SHISA9: variants seen among roughly 807,000 people sequenced by gnomAD.
The protein encoded by SHISA9 is shisa family member 9.
SHISA9 carries 13 observed loss-of-function variants against 38.0 expected under a neutral mutation model. The ratio of observed to expected loss-of-function variants is 0.34; its 90% CI spans 0.22 to 0.54. The LOEUF is 0.54. Ranked by LOEUF, SHISA9 falls within the 20% of genes least tolerant of loss-of-function variation. The pLI is 0.91. For synonymous variants in SHISA9, 275 were observed against 242.0 expected, an observed-to-expected ratio of 1.14 and a Z score of -1.27; for missense variants, 538 against 575.8, an observed-to-expected ratio of 0.93 and a Z score of 0.67.
At chr16:13,531,732 C>T in the SHISA9 span, among the ~76,000 whole-genome samples, 1 of 152,122 alleles carries the variant, frequency 6.6e-6, no homozygotes, top group Non-Finnish European at 1.5e-5. Context: ...GATGCGTAAT[C>T]CCACCGGGAC....
chr16:12,933,402 C>G (rs944266228), intron 2 of SHISA9, among the ~76,000 whole-genome samples: 29 of 152,032 alleles, frequency 1.9e-4, no homozygotes, highest in African/African-American at 5.5e-4. Flanking sequence ...TCAAGCAATT[C>G]TGCTTCAGCC....
At chr16:13,011,097 C>A (rs1290115134) in intron 2 of SHISA9, among the ~76,000 whole-genome samples, 2 of 152,146 alleles carry the variant, frequency 1.3e-5, no homozygotes, top group African/African-American at 4.8e-5. Flanking sequence ...AGACTAAGAG[C>A]CTGTTGTAAT....
the SHISA9 span, among the ~76,000 whole-genome samples, chr16:13,491,398 T>A: frequency 1.4e-5 from 2 of 143,870 alleles, no homozygotes; most frequent in Admixed American, 6.9e-5. Flanking sequence ...TTTTTTTTTT[T>A]AACCTTTTGG....
chr16:13,189,785 C>G (rs543717529), intron 2 of SHISA9, among the ~76,000 whole-genome samples: 4 of 152,168 alleles, frequency 2.6e-5, no homozygotes, highest in African/African-American at 9.7e-5. Flanking sequence ...ACAATTTATC[C>G]TAACGAGCTT....
intron 2 of SHISA9, among the ~76,000 whole-genome samples, chr16:13,101,192 G>C (rs75659090): frequency 6.6e-6 from 1 of 152,138 alleles, no homozygotes; most frequent in Non-Finnish European, 1.5e-5. Context: ...CTAATGTACA[G>C]CCATGTGACC....
At chr16:13,324,841 C>G in the SHISA9 span, among the ~76,000 whole-genome samples, 8 of 152,162 alleles carry the variant, frequency 5.3e-5, no homozygotes, top group African/African-American at 1.9e-4. Flanking sequence ...AGACATAAAT[C>G]AATATGTGGA....
At chr16:12,905,455 C>G (rs756332461) in intron 1 of SHISA9, among the ~76,000 whole-genome samples, 1 of 152,012 alleles carries the variant, frequency 6.6e-6, no homozygotes, top group Non-Finnish European at 1.5e-5. Context: ...CCCCCACTCC[C>G]CTAATGGCTT....
the SHISA9 span, among the ~76,000 whole-genome samples, chr16:13,471,943 C>A: frequency 6.6e-6 from 1 of 152,130 alleles, no homozygotes; most frequent in Admixed American, 6.5e-5. Context: ...CAGAGAATCA[C>A]AAAGACAAGG....
intron 2 of SHISA9, among the ~76,000 whole-genome samples, chr16:12,936,855 TAC>T (rs915169434): frequency 3.9e-5 from 6 of 152,170 alleles, no homozygotes; most frequent in Non-Finnish European, 7.3e-5. Flanking sequence ...CCTGCTTGTT[TAC>T]AGATTTGTCT....
At chr16:13,333,048 C>A in the SHISA9 span, among the ~76,000 whole-genome samples, 1 of 152,200 alleles carries the variant, frequency 6.6e-6, no homozygotes, top group Non-Finnish European at 1.5e-5. Flanking sequence ...CTGCCGTGCC[C>A]GTCGAAGTCA....
intron 2 of SHISA9, among the ~76,000 whole-genome samples, chr16:13,009,060 T>C (rs2072637932): frequency 6.6e-6 from 1 of 151,972 alleles, no homozygotes; most frequent in South Asian, 2.1e-4. Context: ...ATGTCCGTTA[T>C]GTTCTAGGCT....
chr16:13,540,437 C>A, the SHISA9 span, among the ~76,000 whole-genome samples: 2 of 152,358 alleles, frequency 1.3e-5, no homozygotes, highest in South Asian at 4.1e-4. Context: ...AGCTCCCTTT[C>A]CCATCACAGG....
chr16:13,483,081 G>T, the SHISA9 span, among the ~76,000 whole-genome samples: 1 of 152,188 alleles, frequency 6.6e-6, no homozygotes, highest in Admixed American at 6.5e-5. Context: ...GTGGTTCACA[G>T]AGAGTTCAAA....
chr16:13,241,172 C>T (rs954841533), downstream of SHISA9, among the ~76,000 whole-genome samples: 22 of 152,136 alleles, frequency 1.4e-4, no homozygotes, highest in African/African-American at 5.1e-4. Flanking sequence ...AATGTTCAGA[C>T]ACTCCTAGGC....
At chr16:13,562,073 G>T in the SHISA9 span, among the ~76,000 whole-genome samples, 7 of 152,252 alleles carry the variant, frequency 4.6e-5, no homozygotes, top group African/African-American at 1.2e-4. Flanking sequence ...AGGGGAAGAT[G>T]GTTGTCCTCA....
intron 2 of SHISA9, among the ~76,000 whole-genome samples, chr16:13,001,363 CCA>C (rs2072523541): frequency 6.6e-6 from 1 of 151,958 alleles, no homozygotes; most frequent in Admixed American, 6.5e-5. Context: ...TCCTGAGATT[CCA>C]CTGACTAAGG....
intron 2 of SHISA9, among the ~76,000 whole-genome samples, chr16:13,006,586 G>C (rs960071943): frequency 1.3e-5 from 2 of 152,202 alleles, no homozygotes; most frequent in African/African-American, 4.8e-5. Context: ...CCAGAATCTT[G>C]CACAATGCCT....
At chr16:12,956,567 T>C (rs2071838049) in intron 2 of SHISA9, among the ~76,000 whole-genome samples, 1 of 152,200 alleles carries the variant, frequency 6.6e-6, no homozygotes, top group Non-Finnish European at 1.5e-5. Flanking sequence ...AATCATGTCC[T>C]TTGCAGCAAC....
At position 12,941,070 on chromosome 16, in the gene SHISA9, G is replaced by C. The variant is rs113201060; in HGVS notation, c.691+24255G>C. ...TTTAGAAAAATGTTTAAAACTTTTT[G>C]GCCAGGTGCAATGGCTTATTCCTGT... On this transcript the variant is annotated intron_variant, in intron 2 of 4. Coordinates refer to ENST00000558583, the MANE Select transcript of SHISA9 (RefSeq NM_001145204.3). Among the ~76,000 whole-genome samples, 385 of 152,286 alleles carry C rather than the reference G, an allele frequency of 2.5e-3. 1 individual carries two copies. The highest frequency in any genetic ancestry group is 8.9e-3 in the African/African-American group (371 of 41,570).
Sources: allele counts gnomAD v4.1 joint callset (sites outside exome capture counted in the v4.1 genomes callset), GRCh38; gene constraint gnomAD v4.1.1; transcripts MANE v1.5; gene names NCBI Gene and HGNC (gene_info 2026-07-23, HGNC 2026-07-21).